DYNC1H1: variants seen among roughly 807,000 people sequenced by gnomAD.
The protein encoded by DYNC1H1 is cytoplasmic dynein 1 heavy chain 1.
Under a neutral mutation model 527.1 loss-of-function variants are expected in DYNC1H1, and 51 were observed. That is an observed-to-expected ratio of 0.10 (90% CI 0.08 to 0.12). The LOEUF (loss-of-function observed/expected upper bound fraction) is 0.12, where lower values mean the gene tolerates loss of function less well. Among genes scored for constraint, DYNC1H1 ranks in the 10% least tolerant of loss-of-function variants. DYNC1H1 has a pLI of 1.00. For missense variants in DYNC1H1, 2,771 were observed against 5,971.8 expected, an observed-to-expected ratio of 0.46 and a Z score of 17.66; for synonymous variants, 2,189 against 2,278.8, an observed-to-expected ratio of 0.96 and a Z score of 1.12.
Position 102,049,255 on chromosome 14 carries a change from T to G in DYNC1H1, c.13373-185T>G. ...TTCTGAGACATGCTCTGGACCAGCC[T>G]GAGCTAGAGCAGATGTGGTGAGGGC... On this transcript the variant is annotated intron_variant, in intron 74 of 77. Transcript: ENST00000360184. The surrounding 1 kb of genome is among the most constrained non-coding windows in gnomAD (Gnocchi z 5.5). 2.6e-6 allele frequency: 2 copies of G among 764,134 alleles called. No individual in the cohort carries two copies. The highest frequency in any genetic ancestry group is 2.1e-5 in the Admixed American group (1 of 47,686). The allele number at this position is 764,134 out of a possible 1,614,324, so 47.3% of individuals were successfully genotyped here. A position where few individuals can be genotyped will look rare whatever the true frequency, so the allele number is the denominator to read the frequency against.
chr14:101,989,651 A>G (rs1173860662), intron 10 of DYNC1H1, among the ~76,000 whole-genome samples: 1 of 152,034 alleles, frequency 6.6e-6, no homozygotes, highest in Non-Finnish European at 1.5e-5. Context: ...CCCTACCTAC[A>G]CTTTACCTTT....
intron 8 of DYNC1H1, 100 bp from the exon 9 acceptor site, chr14:101,987,353 G>A: frequency 7.6e-7 from 1 of 1,311,100 alleles, no homozygotes; most frequent in Non-Finnish European, 1.1e-6. Flanking sequence ...ACTGTGCCTG[G>A]AGCATTTGTC....
chr14:102,003,880 T>A (rs1419502233), intron 23 of DYNC1H1, among the ~76,000 whole-genome samples: 1 of 146,744 alleles, frequency 6.8e-6, no homozygotes, highest in Non-Finnish European at 1.5e-5. Context: ...GAGCCACGAT[T>A]GCGCCGCTGC....
intron 1 of DYNC1H1, among the ~76,000 whole-genome samples, chr14:101,970,552 C>T (rs1322666291): frequency 2.8e-5 from 4 of 141,528 alleles, no homozygotes; most frequent in Non-Finnish European, 4.5e-5. Flanking sequence ...GCACGATCTC[C>T]GCTCACTGCA....
chr14:101,975,910 C>CTT (rs375223030), intron 2 of DYNC1H1, 111 bp downstream of exon 2: 698 of 678,214 alleles, frequency 1.0e-3, no homozygotes, highest in Non-Finnish European at 1.2e-3. Flanking sequence ...TAATATAAAT[C>CTT]TTTTTTTTTT....
rs1181252966 is a variant in DYNC1H1 at position 102,012,527 on chromosome 14, CGTG to C, written c.7014+58_7014+60del. On this transcript the variant is annotated intron_variant, in intron 34 of 77. Coordinates refer to ENST00000360184, the MANE Select transcript of DYNC1H1 (RefSeq NM_001376.5). This position sits in a 1 kb window ranked among gnomAD's most constrained non-coding sequence, Gnocchi z 4.9. ...TAATTCCTTTTGGCCAACTAAACTT[CGTG>C]TGCTAGCTAAGTGCAGCTCTGGAGT... is the stretch of plus-strand genomic sequence containing the variant. 8.7e-6 allele frequency: 14 copies of C among 1,610,192 alleles called. No homozygotes were observed. In the African/African-American group the frequency reaches 1.6e-4, roughly 18 times the overall value.
intron 56 of DYNC1H1, 115 bp downstream of exon 56, chr14:102,034,567 C>G: frequency 6.5e-7 from 1 of 1,547,596 alleles, no homozygotes; most frequent in Non-Finnish European, 8.8e-7. Flanking sequence ...CGTGGGCATA[C>G]AGTGCTGGCA....
chr14:101,997,291 G>A lies in DYNC1H1; in HGVS notation c.3804+17G>A, dbSNP rs754488465. 6 of 1,614,030 alleles carry A rather than the reference G, an allele frequency of 3.7e-6. No individual in the cohort carries two copies. The highest frequency in any genetic ancestry group is 5.1e-6 in the Non-Finnish European group (6 of 1,180,016). On this transcript the variant is annotated intron_variant, in intron 16 of 77. Coordinates refer to ENST00000360184, the MANE Select transcript of DYNC1H1 (RefSeq NM_001376.5). This position sits in a 1 kb window ranked among gnomAD's most constrained non-coding sequence, Gnocchi z 4.8. ...CCTGTCACGGTGAGTCCCGCCAGGT[G>A]GGGACGCAGGAGACTCCTCACCCAG...
Position 102,008,257 on chromosome 14 carries a change from G to A in DYNC1H1, c.5897G>A (p.Arg1966Gln). Residue 1966 changes from arginine to glutamine, a missense_variant, in exon 29 of 78, where the codon CGG becomes CAG. Physicochemically the swap from Arg to Gln is conservative, Grantham distance 43. Transcript: ENST00000360184. ...GACGAGTTCAACCGCCTGGAGGAGC[G>A]GATGCTCTCGGCTGTGTCCCAGCAG... is the stretch of plus-strand genomic sequence containing the variant. ...CFDEFNRLEE[R>Q]MLSAVSQQVQ... 6.2e-7 allele frequency: 1 copy of A among 1,614,198 alleles called. No individual in the cohort carries two copies. Among genetic ancestry groups the A allele is most frequent in the Non-Finnish European group, 8.5e-7 (1 of 1,180,038 alleles).
rs1361174597 is a variant in DYNC1H1 at position 102,038,993 on chromosome 14, C to T, written c.11207-8C>T. The T allele has an allele frequency of 1.9e-6, 3 of 1,613,830 alleles. No homozygotes were observed. The African/African-American group carries it at 4.0e-5, about 22-fold the overall frequency. On this transcript the variant is annotated splice_polypyrimidine_tract_variant and splice_region_variant and intron_variant, in intron 59 of 77. Transcript: ENST00000360184. This position sits in a 1 kb window ranked among gnomAD's most constrained non-coding sequence, Gnocchi z 7.2. ...TATTGCAAACTCTGGATGTTTTATT[C>T]ATTTAAGGGGAATTTCAGCTCCGTT... is the stretch of plus-strand genomic sequence containing the variant.
At position 102,041,560 on chromosome 14, in the gene DYNC1H1, T is replaced by C. The variant is rs745517534; in HGVS notation, c.11942-14T>C. ...TGCTTCCACCCAGCACCCACCCCTC[T>C]GTACCTGTTTCAGCACCCATTGGCC... On this transcript the variant is annotated splice_polypyrimidine_tract_variant and intron_variant, in intron 64 of 77. Coordinates refer to ENST00000360184, the MANE Select transcript of DYNC1H1 (RefSeq NM_001376.5). The surrounding 1 kb of genome is among the most constrained non-coding windows in gnomAD (Gnocchi z 4.5). 3.7e-6 allele frequency: 6 copies of C among 1,613,862 alleles called. No homozygotes were observed. The South Asian group carries it at 6.6e-5, about 18-fold the overall frequency.
In DYNC1H1 at chr14:101,986,617, C is replaced by T. The variant is rs749479158; in HGVS notation, c.2392C>T (p.Arg798Trp). The T allele has an allele frequency of 5.0e-6, 8 of 1,612,940 alleles. No individual in the cohort carries two copies. Among genetic ancestry groups the T allele is most frequent in the African/African-American group, 1.3e-5 (1 of 74,954 alleles). ...ACGGACCTGCGAGAAGGTGGAGGAG[C>T]GGAACACCATTTCCCTTTTGGTGGC... ...YERTCEKVEE[R>W]NTISLLVAGL... The change falls in exon 8 of 78, where the codon CGG (arginine) becomes TGG (tryptophan). Residue 798 changes from arginine to tryptophan, a missense_variant. Arg to Trp is a moderately radical substitution (Grantham distance 101). Coordinates refer to ENST00000360184, the MANE Select transcript of DYNC1H1 (RefSeq NM_001376.5). This position sits in a 1 kb window ranked among gnomAD's most constrained non-coding sequence, Gnocchi z 8.7.
chr14:102,052,693 CAG>C lies in DYNC1H1; in HGVS notation c.*2131_*2132del, dbSNP rs569362877. On this transcript the variant is annotated 3_prime_UTR_variant, in exon 78 of 78. Coordinates refer to ENST00000360184, the MANE Select transcript of DYNC1H1 (RefSeq NM_001376.5). ...CTGCTTGGCACGTGTCTGCCAGTCT[CAG>C]GGGGCTCCATGGGAGTGAGGAAGGG... is the stretch of plus-strand genomic sequence containing the variant. The C allele has an allele frequency of 8.4e-4, 128 of 152,400 alleles. No homozygotes were observed. The highest frequency in any genetic ancestry group is 2.9e-3 in the African/African-American group (120 of 41,578). 9.4% of individuals were successfully genotyped at this position (152,400 alleles called of 1,614,324 possible).
At chr14:102,007,769 C>A (rs2720209) in intron 28 of DYNC1H1, among the ~76,000 whole-genome samples, 2,279 of 152,280 alleles carry the variant, frequency 0.015, 35 homozygotes, top group Middle Eastern at 0.037. Flanking sequence ...CTCAGGCCAC[C>A]ATATCCAAGC....
Position 102,011,997 on chromosome 14 carries a change from G to A in DYNC1H1, c.6741G>A (p.Val2247=). Residue 2247 remains valine (V), a synonymous_variant, in exon 33 of 78, where the codon GTG becomes GTA. Coordinates refer to ENST00000360184, the MANE Select transcript of DYNC1H1 (RefSeq NM_001376.5). The surrounding 1 kb of genome is among the most constrained non-coding windows in gnomAD (Gnocchi z 5.3). The stretch of plus-strand genomic sequence containing the variant: ...AGGCATTGGAGAGACTCGAGGGTGT[G>A]GAAGGTGTGGCCCATATCATCGACC... ...LLKALERLEG[V]EGVAHIIDPK... 1 of 1,614,122 alleles carries A rather than the reference G, an allele frequency of 6.2e-7. No homozygotes were observed. Among genetic ancestry groups the A allele is most frequent in the Non-Finnish European group, 8.5e-7 (1 of 1,180,032 alleles).
intron 2 of DYNC1H1, among the ~76,000 whole-genome samples, chr14:101,978,239 A>G (rs1015221233): frequency 2.8e-4 from 43 of 152,204 alleles, no homozygotes; most frequent in Admixed American, 2.7e-3. Flanking sequence ...TTTAGTAGAG[A>G]TGGGGTTTTG....
At position 101,964,960 on chromosome 14, in the gene DYNC1H1, G is replaced by C. The variant is rs376513039; in HGVS notation, c.256+13G>C. On this transcript the variant is annotated intron_variant, in intron 1 of 77. Coordinates refer to ENST00000360184, the MANE Select transcript of DYNC1H1 (RefSeq NM_001376.5). This position sits in a 1 kb window ranked among gnomAD's most constrained non-coding sequence, Gnocchi z 5.5. ...TCCACGCTCAAAGGTGCGGGGCCGC[G>C]GAGGGCAGGGTCGCCAGAGCCAGGC... The C allele has an allele frequency of 3.2e-5, 50 of 1,586,480 alleles. 1 individual carries two copies. In the African/African-American group the frequency reaches 6.2e-4, roughly 20 times the overall value.
chr14:102,038,675 T>C lies in DYNC1H1; in HGVS notation c.11056-23T>C, dbSNP rs759359295. 41 of 1,614,122 alleles carry C rather than the reference T, an allele frequency of 2.5e-5. No individual in the cohort carries two copies. Among genetic ancestry groups the C allele is most frequent in the Middle Eastern group, 1.6e-4 (1 of 6,084 alleles). On this transcript the variant is annotated intron_variant, in intron 58 of 77. Coordinates refer to ENST00000360184, the MANE Select transcript of DYNC1H1 (RefSeq NM_001376.5). This position sits in a 1 kb window ranked among gnomAD's most constrained non-coding sequence, Gnocchi z 7.2. ...GTTTTGAAACTGGATTAAGACAGAC[T>C]GTTCTGTTACCTATTTTGGCAGGTC...
intron 41 of DYNC1H1, among the ~76,000 whole-genome samples, chr14:102,019,688 G>A (rs1288887361): frequency 7.9e-5 from 12 of 152,224 alleles, no homozygotes; most frequent in African/African-American, 2.6e-4. Flanking sequence ...TGCAACCTCC[G>A]CCTCCTGGGT....
Sources: allele counts gnomAD v4.1 joint callset (sites outside exome capture counted in the v4.1 genomes callset), GRCh38; gene constraint gnomAD v4.1.1; non-coding constraint Gnocchi (gnomAD v3.1); transcripts MANE v1.5; gene names NCBI Gene and HGNC (gene_info 2026-07-23, HGNC 2026-07-21).